The following AQP8 variants were observed in gnomAD, a reference collection of about 807,000 sequenced individuals.
AQP8 encodes the protein aquaporin-8.
Under a neutral mutation model 26.1 loss-of-function variants are expected in AQP8, and 14 were observed. The ratio of observed to expected loss-of-function variants is 0.54; its 90% CI spans 0.35 to 0.84. The LOEUF (loss-of-function observed/expected upper bound fraction) is 0.84, where lower values mean the gene tolerates loss of function less well. AQP8 is among the 40% of genes least tolerant of loss of function. The pLI is 0.01. For missense variants in AQP8, 301 were observed against 340.5 expected (o/e 0.88, Z 0.91); for synonymous variants, 131 against 150.7 (o/e 0.87, Z 0.96).
intron 4 of AQP8, among the ~76,000 whole-genome samples, chr16:25,225,544 C>A (rs1004102049): frequency 6.6e-6 from 1 of 151,440 alleles, no homozygotes; most frequent in African/African-American, 2.4e-5. Flanking sequence ...GTATCTGGGA[C>A]TACAGGCGTC....
chr16:25,222,668 GGTGT>G (rs78651843), intron 3 of AQP8, among the ~76,000 whole-genome samples: 19 of 151,914 alleles, frequency 1.3e-4, no homozygotes, highest in African/African-American at 4.3e-4. Flanking sequence ...GGCCTTGCTT[GGTGT>G]GTGTGTGGGG....
intron 2 of AQP8, among the ~76,000 whole-genome samples, chr16:25,219,355 G>T (rs1962527756): frequency 6.6e-6 from 1 of 151,328 alleles, no homozygotes; most frequent in African/African-American, 2.4e-5. Flanking sequence ...CCTATTGCGT[G>T]CCAGACACTG....
Position 25,216,976 on chromosome 16 carries a change from A to G in AQP8, c.-70A>G, listed in dbSNP as rs1962493341. The G allele has an allele frequency of 1.2e-6, 2 of 1,606,368 alleles. No homozygotes were observed. The highest frequency in any genetic ancestry group is 3.4e-5 in the Admixed American group (2 of 59,322). ...GGTCCTGTCCCTAGGAGATAAGAGT[A>G]TCTTGCACAGCAGGTGCAGGTTTCC... On this transcript the variant is annotated 5_prime_UTR_variant, in exon 1 of 6. Transcript: ENST00000219660.
In AQP8 at chr16:25,216,990, G is replaced by A. The variant is rs2141750251; in HGVS notation, c.-56G>A. On this transcript the variant is annotated 5_prime_UTR_variant, in exon 1 of 6. The change creates a new upstream start codon in the 5' untranslated region. Coordinates refer to ENST00000219660, the MANE Select transcript of AQP8 (RefSeq NM_001169.3). ...GAGATAAGAGTATCTTGCACAGCAG[G>A]TGCAGGTTTCCCAGCAGCTCAGGCA... 3 of 1,612,432 alleles carry A rather than the reference G, an allele frequency of 1.9e-6. No homozygotes were observed. Among genetic ancestry groups the A allele is most frequent in the South Asian group, 2.2e-5 (2 of 91,040 alleles).
rs149499501 is a variant in AQP8, at chr16:25,217,411, T to C, written c.226T>C (p.Leu76=). ...LQPALAHGLA[L]GLVIATLGNI... is the part of the protein sequence containing the mutation. ...GCCGGCCCTGGCCCACGGGCTGGCT[T>C]TGGGGCTCGTGATTGCCACGCTGGG... Residue 76 remains leucine, a synonymous_variant, in exon 2 of 6, where the codon TTG becomes CTG. Coordinates refer to ENST00000219660, the MANE Select transcript of AQP8 (RefSeq NM_001169.3). 7 of 1,613,988 alleles carry C rather than the reference T, an allele frequency of 4.3e-6. No individual in the cohort carries two copies. The highest frequency in any genetic ancestry group is 5.9e-6 in the Non-Finnish European group (7 of 1,180,010).
chr16:25,221,633 T>C (rs528491501), intron 3 of AQP8, 50 bp downstream of exon 3: 2 of 1,609,158 alleles, frequency 1.2e-6, no homozygotes, highest in East Asian at 4.5e-5. Flanking sequence ...ATGGGGCTGC[T>C]GGAGGTGCAT....
At chr16:25,225,311 TCTTTC>T (rs112093123) in intron 4 of AQP8, among the ~76,000 whole-genome samples, 17,631 of 152,066 alleles carry the variant, frequency 0.12, 1,434 homozygotes, top group African/African-American at 0.22. Flanking sequence ...AATGTCTGAC[TCTTTC>T]CTTTCTTTTG....
At chr16:25,217,586 A>G in intron 2 of AQP8, 141 bp downstream of exon 2, 1 of 1,204,726 alleles carries the variant, frequency 8.3e-7, no homozygotes, top group South Asian at 1.5e-5. Context: ...GTTGGGAGTC[A>G]GACTGGGGTC....
chr16:25,227,263 G>C (rs1404783629), intron 5 of AQP8, 61 bp downstream of exon 5: 5 of 1,607,652 alleles, frequency 3.1e-6, no homozygotes, highest in South Asian at 1.1e-5. Flanking sequence ...ATCTCCCAGA[G>C]AGTCCGGGAC....
intron 4 of AQP8, among the ~76,000 whole-genome samples, chr16:25,225,836 C>T (rs75989593): frequency 0.024 from 3,702 of 152,256 alleles, 150 homozygotes; most frequent in African/African-American, 0.083. Context: ...AAGAGTCTCC[C>T]TGTAGGATTC....
chr16:25,217,322 C>T lies in AQP8; in HGVS notation c.137C>T (p.Ala46Val), dbSNP rs2062965960. ...QPCLVELLGS[A>V]LFIFIGCLSV... ...TGTCTGGTCGAACTGCTGGGCTCTG[C>T]TCTCTTCATCTTCATCGGGTGCCTG... Residue 46 changes from alanine to valine, a missense_variant, in exon 2 of 6, where the codon GCT (alanine) becomes GTT (valine). By Grantham distance (64) the Ala-to-Val change is moderately conservative. Coordinates refer to ENST00000219660, the MANE Select transcript of AQP8 (RefSeq NM_001169.3). 1 of 1,614,014 alleles carries T rather than the reference C, an allele frequency of 6.2e-7. No individual in the cohort carries two copies. The highest frequency in any genetic ancestry group is 1.3e-5 in the African/African-American group (1 of 74,908).
intron 2 of AQP8, among the ~76,000 whole-genome samples, chr16:25,220,350 G>T (rs1962545008): frequency 6.6e-6 from 1 of 152,146 alleles, no homozygotes; most frequent in South Asian, 2.1e-4. Context: ...GAAACCAGAT[G>T]GATTCAGGAG....
rs985603803 is a variant in AQP8, at chr16:25,219,401, T to C, written c.260+1956T>C. On this transcript the variant is annotated intron_variant, in intron 2 of 5. Coordinates refer to ENST00000219660, the MANE Select transcript of AQP8 (RefSeq NM_001169.3). ...TGTTCACTGGATCCAGGATAAGCTATGTATGTAAGTTATAAGCACCCAGCA... is the reference window on the plus strand; with the variant it reads ...TGTTCACTGGATCCAGGATAAGCTACGTATGTAAGTTATAAGCACCCAGCA... Among the ~76,000 whole-genome samples the C allele has an allele frequency of 3.3e-5, 5 of 151,536 alleles. No homozygotes were observed. In the South Asian group the frequency reaches 8.3e-4, roughly 25 times the overall value.
In AQP8 at chr16:25,224,450, T is replaced by G. The variant is rs1437404777; in HGVS notation, c.476T>G (p.Val159Gly). ...CAGGGGCAGGTGGCAGGGGCGTTGGTGGCAGAGATCATCCTGACGACGCTG... is the reference window on the plus strand; with the variant it reads ...CAGGGGCAGGTGGCAGGGGCGTTGGGGGCAGAGATCATCCTGACGACGCTG... Reference protein sequence around the residue: ...QEQGQVAGALVAEIILTTLLA... With the variant: ...QEQGQVAGALGAEIILTTLLA... The change falls in exon 4 of 6, where the codon GTG becomes GGG. Residue 159 changes from valine (V) to glycine (G), a missense_variant. Transcript: ENST00000219660. 1 of 1,614,176 alleles carries G rather than the reference T, an allele frequency of 6.2e-7. No homozygotes were observed.
At position 25,224,541 on chromosome 16, in the gene AQP8, C is replaced by G; in HGVS notation, c.567C>G (p.Ser189=). Residue 189 remains serine, a synonymous_variant, in exon 4 of 6, where the codon TCC becomes TCG. Coordinates refer to ENST00000219660, the MANE Select transcript of AQP8 (RefSeq NM_001169.3). ...CAAAGGGCCCTCTGGCCCCGTTCTC[C>G]ATCGGCTTTGCCGTCACCGTGGATA... The part of the protein sequence containing the change: ...EKTKGPLAPF[S]IGFAVTVDIL... 2 of 1,613,368 alleles carry G rather than the reference C, an allele frequency of 1.2e-6. No homozygotes were observed. The highest frequency in any genetic ancestry group is 1.7e-6 in the Non-Finnish European group (2 of 1,179,970).
rs193292913 is a variant in AQP8 at position 25,222,693 on chromosome 16, G to C, written c.387+1110G>C. Among the ~76,000 whole-genome samples the C allele has an allele frequency of 1.6e-3, 240 of 151,986 alleles. 1 individual carries two copies. Among genetic ancestry groups the C allele is most frequent in the African/African-American group, 5.2e-3 (214 of 41,438 alleles). On this transcript the variant is annotated intron_variant, in intron 3 of 5. Transcript: ENST00000219660. ...GGTGTGTGTGTGGGGGGTGGTGGATGGGGGAGCTCTGTCAGCTTGGCTGTG... is the reference window on the plus strand; with the variant it reads ...GGTGTGTGTGTGGGGGGTGGTGGATCGGGGAGCTCTGTCAGCTTGGCTGTG...
In AQP8 at chr16:25,228,740, T is replaced by G. The variant is rs867855283; in HGVS notation, c.*248T>G. ...GCTGCCCGCACTGCCCAGAGAGCAG[T>G]GCAAACACCACAACACGAGCGTGTT... On this transcript the variant is annotated 3_prime_UTR_variant, in exon 6 of 6. Coordinates refer to ENST00000219660, the MANE Select transcript of AQP8 (RefSeq NM_001169.3). 6.6e-6 allele frequency: 3 copies of G among 452,064 alleles called. No individual in the cohort carries two copies. The South Asian group carries it at 9.9e-5, about 15-fold the overall frequency. The allele number at this position is 452,064 out of a possible 1,614,324, so 28.0% of individuals were successfully genotyped here. A position where few individuals can be genotyped will look rare whatever the true frequency, so the allele number is the denominator to read the frequency against.
In AQP8 at chr16:25,224,555, T is replaced by C. The variant is rs749345455; in HGVS notation, c.581T>C (p.Val194Ala). ...GCCCCGTTCTCCATCGGCTTTGCCG[T>C]CACCGTGGATATCCTGGCTGGGTGA... ...PLAPFSIGFA[V>A]TVDILAGGPV... Residue 194 changes from valine to alanine, a missense_variant, in exon 4 of 6, where the codon GTC becomes GCC. Coordinates refer to ENST00000219660, the MANE Select transcript of AQP8 (RefSeq NM_001169.3). 5.6e-6 allele frequency: 9 copies of C among 1,612,232 alleles called. No individual in the cohort carries two copies. The Middle Eastern group carries it at 8.8e-4, about 157-fold the overall frequency.
chr16:25,227,239 G>A (rs371122331), intron 5 of AQP8, 37 bp downstream of exon 5: 3 of 1,612,728 alleles, frequency 1.9e-6, no homozygotes, highest in African/African-American at 2.7e-5. Context: ...CCCATTGGAT[G>A]GGCACTTGGC....
Sources: gnomAD v4.1 joint callset for allele counts (sites outside exome capture counted in the v4.1 genomes callset) on GRCh38, gnomAD v4.1.1 for gene constraint, MANE v1.5 for transcripts, NCBI Gene and HGNC (gene_info 2026-07-23, HGNC 2026-07-21) for gene names.